MKLN1: variants seen among roughly 807,000 people sequenced by gnomAD.
The protein encoded by MKLN1 is muskelin.
Under a neutral mutation model 99.0 loss-of-function variants are expected in MKLN1, and 18 were observed. The observed-to-expected ratio is 0.18, with a 90% confidence interval of 0.13 to 0.27. MKLN1 has a LOEUF of 0.27. Ranked by LOEUF, MKLN1 falls within the 10% of genes least tolerant of loss-of-function variation. MKLN1 has a pLI of 1.00. For synonymous variants in MKLN1, 288 were observed against 293.2 expected (o/e 0.98, Z 0.18); for missense variants, 621 against 875.9 (o/e 0.71, Z 3.67).
intron 2 of MKLN1, among the ~76,000 whole-genome samples, chr7:131,143,766 T>A (rs1174527057): frequency 1.3e-5 from 2 of 152,160 alleles, no homozygotes; most frequent in Non-Finnish European, 2.9e-5. Context: ...AGTTCAAGGC[T>A]GCAGTGAGCC....
intron 2 of MKLN1, among the ~76,000 whole-genome samples, chr7:131,170,256 T>G (rs1357456845): frequency 6.6e-6 from 1 of 152,198 alleles, no homozygotes; most frequent in African/African-American, 2.4e-5. Flanking sequence ...CTCAAAATTC[T>G]ATAAAGTAGG....
chr7:131,444,769 T>TAGAAGA (rs1563352039), intron 11 of MKLN1, among the ~76,000 whole-genome samples: 18 of 53,770 alleles, frequency 3.3e-4, no homozygotes, highest in Middle Eastern at 8.9e-3. Context: ...GAAGAAGTAG[T>TAGAAGA]AGTAGTAGTA....
intron 2 of MKLN1, among the ~76,000 whole-genome samples, chr7:131,154,779 T>C (rs1367623336): frequency 6.6e-6 from 1 of 152,208 alleles, no homozygotes; most frequent in South Asian, 2.1e-4. Context: ...TACACTTATA[T>C]ATAATAAGTG....
chr7:131,125,471 C>T (rs1795438980), intron 1 of MKLN1, among the ~76,000 whole-genome samples: 1 of 152,146 alleles, frequency 6.6e-6, no homozygotes, highest in Non-Finnish European at 1.5e-5. Flanking sequence ...GGACACAAGA[C>T]TCCCTCTGGC....
chr7:131,447,426 G>A (rs76683888), intron 12 of MKLN1, among the ~76,000 whole-genome samples: 2,523 of 152,196 alleles, frequency 0.017, 72 homozygotes, highest in African/African-American at 0.056. Context: ...AGGGTCAGGC[G>A]CAGTGGCTCA....
At chr7:131,406,257 C>T (rs1258908169) in intron 6 of MKLN1, among the ~76,000 whole-genome samples, 1 of 151,672 alleles carries the variant, frequency 6.6e-6, no homozygotes, top group Non-Finnish European at 1.5e-5. Context: ...CTTTATCCCT[C>T]TTAAGAGAAA....
intron 4 of MKLN1, among the ~76,000 whole-genome samples, chr7:131,391,240 C>T (rs1032779382): frequency 3.3e-5 from 5 of 151,922 alleles, no homozygotes; most frequent in African/African-American, 9.7e-5. Context: ...TTAGGTAAAT[C>T]GTTAGAATTT....
At chr7:131,435,726 GTAGTGT>G (rs1466890874) in intron 9 of MKLN1, among the ~76,000 whole-genome samples, 2 of 152,022 alleles carry the variant, frequency 1.3e-5, no homozygotes, top group African/African-American at 4.8e-5. Flanking sequence ...TAGGAAGTCT[GTAGTGT>G]TAATCTTGCT....
chr7:131,153,658 T>TTTCTG (rs1298549550), intron 2 of MKLN1, among the ~76,000 whole-genome samples: 15 of 58,362 alleles, frequency 2.6e-4, no homozygotes, highest in African/African-American at 5.4e-4. Flanking sequence ...AAGTAGGTTT[T>TTTCTG]TTTTGGTTTT....
intron 3 of MKLN1, among the ~76,000 whole-genome samples, chr7:131,231,189 A>G (rs1217089101): frequency 6.6e-6 from 1 of 151,320 alleles, no homozygotes; most frequent in Non-Finnish European, 1.5e-5. Flanking sequence ...GAGAAGATAA[A>G]CATTTAACTA....
At chr7:131,482,381 A>G (rs1279512267) in intron 17 of MKLN1, among the ~76,000 whole-genome samples, 2 of 151,734 alleles carry the variant, frequency 1.3e-5, no homozygotes, top group African/African-American at 2.4e-5. Flanking sequence ...CCTTTTTTAC[A>G]TTTTTTGTAG....
At chr7:131,187,889 G>A (rs1015713822) in intron 2 of MKLN1, among the ~76,000 whole-genome samples, 6 of 152,128 alleles carry the variant, frequency 3.9e-5, no homozygotes, top group Admixed American at 2.6e-4. Flanking sequence ...CCAGGAGGTG[G>A]AGGTTGCAGT....
intron 3 of MKLN1, among the ~76,000 whole-genome samples, chr7:131,214,622 G>A (rs910051203): frequency 7.9e-5 from 12 of 152,146 alleles, no homozygotes; most frequent in African/African-American, 2.9e-4. Context: ...CCTGTAATCT[G>A]AAATAATAAA....
At position 131,462,025 on chromosome 7, in the gene MKLN1, T is replaced by TTTTA. The variant is rs113239475; in HGVS notation, c.1526-1176_1526-1173dup. ...AAAATGGCATATTATACCCCAGAAT[T>TTTTA]TTTATTTATTTATTTATTTGCTTTA... On this transcript the variant is annotated intron_variant, in intron 12 of 17. Transcript: ENST00000352689. Among the ~76,000 whole-genome samples, 7 of 152,120 alleles carry TTTTA rather than the reference T, an allele frequency of 4.6e-5. No individual in the cohort carries two copies. In the South Asian group the frequency reaches 8.3e-4, roughly 18 times the overall value.
intron 8 of MKLN1, among the ~76,000 whole-genome samples, chr7:131,423,208 A>G (rs900146422): frequency 6.6e-6 from 1 of 152,218 alleles, no homozygotes; most frequent in African/African-American, 2.4e-5. Context: ...AAGCTCTAAT[A>G]TTTGGTATCT....
chr7:131,118,860 C>T (rs745698446), intron 1 of MKLN1, among the ~76,000 whole-genome samples: 1 of 152,184 alleles, frequency 6.6e-6, no homozygotes, highest in African/African-American at 2.4e-5. Context: ...AATCACCTCC[C>T]ACCAGGTCCC....
At chr7:131,252,235 A>G (rs1281459560) in intron 3 of MKLN1, among the ~76,000 whole-genome samples, 2 of 152,264 alleles carry the variant, frequency 1.3e-5, no homozygotes, top group East Asian at 3.9e-4. Context: ...GGGAAAAACA[A>G]TGGACTTGAT....
chr7:131,234,947 G>C (rs991785148), intron 3 of MKLN1, among the ~76,000 whole-genome samples: 7 of 152,178 alleles, frequency 4.6e-5, no homozygotes, highest in Non-Finnish European at 8.8e-5. Context: ...GCAAGGCCCA[G>C]TGGAAAACAA....
chr7:131,471,624 A>AT (rs909883010), intron 16 of MKLN1: 1 of 152,010 alleles, frequency 6.6e-6, no homozygotes, highest in South Asian at 2.1e-4. Flanking sequence ...TGTTTTTGTC[A>AT]TTTTTTCCTT....
Sources: allele counts gnomAD v4.1 joint callset (sites outside exome capture counted in the v4.1 genomes callset), GRCh38; gene constraint gnomAD v4.1.1; transcripts MANE v1.5; gene names NCBI Gene and HGNC (gene_info 2026-07-23, HGNC 2026-07-21).